The following PLEKHM2 variants were observed in gnomAD, a reference collection of about 807,000 sequenced individuals.
PLEKHM2 encodes pleckstrin homology and RUN domain containing M2.
Under a neutral mutation model 116.3 loss-of-function variants are expected in PLEKHM2, and 77 were observed. That is an observed-to-expected ratio of 0.66 (90% CI 0.55 to 0.80). PLEKHM2 has a LOEUF of 0.80. Ranked by LOEUF, PLEKHM2 falls within the 30% of genes least tolerant of loss-of-function variation. The pLI, the probability that PLEKHM2 is intolerant of heterozygous loss-of-function variation, is 0.00. For missense variants in PLEKHM2, 1,183 were observed against 1,354.9 expected, an observed-to-expected ratio of 0.87 and a Z score of 1.99; for synonymous variants, 562 against 571.0, an observed-to-expected ratio of 0.98 and a Z score of 0.22.
chr1:15,717,297 C>T (rs138860807), intron 3 of PLEKHM2, among the ~76,000 whole-genome samples: 1,972 of 152,218 alleles, frequency 0.013, 12 homozygotes, highest in Middle Eastern at 0.034. Context: ...GCCTGTAATT[C>T]CAACACTTTG....
rs1451034062 is a variant in PLEKHM2 at position 15,729,097 on chromosome 1, G to A, written c.1987-5G>A. 1 of 1,605,442 alleles carries A rather than the reference G, an allele frequency of 6.2e-7. No individual in the cohort carries two copies. Among genetic ancestry groups the A allele is most frequent in the Admixed American group, 1.7e-5 (1 of 58,704 alleles). ...AAGTGCATGTCACGGTGTGGTTTCT[G>A]GCAGGTTGGCCTTGACCAGCAGACG... On this transcript the variant is annotated splice_polypyrimidine_tract_variant and splice_region_variant and intron_variant, in intron 12 of 19. Transcript: ENST00000375799. The surrounding 1 kb of genome is among the most constrained non-coding windows in gnomAD (Gnocchi z 4.7).
At chr1:15,726,522 C>T (rs1382525170) in intron 8 of PLEKHM2, among the ~76,000 whole-genome samples, 1 of 152,168 alleles carries the variant, frequency 6.6e-6, no homozygotes, top group East Asian at 1.9e-4. Flanking sequence ...TAAGCCCGCT[C>T]CAGCCAACCT....
chr1:15,727,999 C>G lies in PLEKHM2; in HGVS notation c.1761-80C>G. 1 of 1,292,714 alleles carries G rather than the reference C, an allele frequency of 7.7e-7. No homozygotes were observed. 80.1% of individuals were successfully genotyped at this position (1,292,714 alleles called of 1,614,324 possible). On this transcript the variant is annotated intron_variant, in intron 9 of 19. Transcript: ENST00000375799. This position sits in a 1 kb window ranked among gnomAD's most constrained non-coding sequence, Gnocchi z 7.5. ...CTCCTAGTGGGAGGCGGAGGCACTACCCCCTGGCTCTGGGGTGGGGTGTGG... is the reference window on the plus strand; with the variant it reads ...CTCCTAGTGGGAGGCGGAGGCACTAGCCCCTGGCTCTGGGGTGGGGTGTGG...
Position 15,727,587 on chromosome 1 carries a change from GGGA to G in PLEKHM2, c.1526_1528del (p.Gly509del), listed in dbSNP as rs761868279. The G allele has an allele frequency of 5.7e-6, 9 of 1,579,002 alleles. No individual in the cohort carries two copies. The highest frequency in any genetic ancestry group is 4.7e-5 in the East Asian group (2 of 42,912). On this transcript the variant is annotated inframe_deletion, in exon 9 of 20. Coordinates refer to ENST00000375799, the MANE Select transcript of PLEKHM2 (RefSeq NM_015164.4). This position sits in a 1 kb window ranked among gnomAD's most constrained non-coding sequence, Gnocchi z 7.5. ...CTGAGGCTGCTGGCCAAGAAGAAGA[GGGA>G]GGAGGAGGAGAGGGACAGACGCCTC...
intron 1 of PLEKHM2, among the ~76,000 whole-genome samples, chr1:15,712,865 A>T (rs1273002995): frequency 6.6e-6 from 1 of 151,894 alleles, no homozygotes; most frequent in Non-Finnish European, 1.5e-5. Context: ...CAGTGGTGCA[A>T]TCTTGGCTCA....
In PLEKHM2 at chr1:15,700,734, C is replaced by T. The variant is rs11588792; in HGVS notation, c.61-15503C>T. ...AATGAAATTCCTCAGCCCTGGCCAG[C>T]ACCCAGCCTTGTCTTAGATCGCAGA... On this transcript the variant is annotated intron_variant, in intron 1 of 19. Transcript: ENST00000375799. 5.9e-3 allele frequency among the ~76,000 whole-genome samples: 904 copies of T among 152,306 alleles called. 6 individuals are homozygous for T. The highest frequency in any genetic ancestry group is 0.02 in the African/African-American group (843 of 41,554).
rs1267834741 is a variant in PLEKHM2, at chr1:15,732,739, G to A, written c.2922+11G>A. On this transcript the variant is annotated intron_variant, in intron 19 of 19. Coordinates refer to ENST00000375799, the MANE Select transcript of PLEKHM2 (RefSeq NM_015164.4). ...AAAACCATCTATCAGGTACCCAGCT[G>A]CCCAGGAAACCCATTAGCCAGGGAC... 3 of 1,566,854 alleles carry A rather than the reference G, an allele frequency of 1.9e-6. No individual in the cohort carries two copies. The highest frequency in any genetic ancestry group is 3.3e-4 in the Middle Eastern group (2 of 5,984).
Position 15,728,287 on chromosome 1 carries a change from G to A in PLEKHM2, c.1851G>A (p.Gly617=), listed in dbSNP as rs769910835. 3 of 1,613,196 alleles carry A rather than the reference G, an allele frequency of 1.9e-6. No individual in the cohort carries two copies. Among genetic ancestry groups the A allele is most frequent in the African/African-American group, 2.7e-5 (2 of 74,920 alleles). ...CCCAGATGATCCGGATGAGCACCGGGCACATGGAGGGCAACCTGCAGCTGC... is the reference window on the plus strand; with the variant it reads ...CCCAGATGATCCGGATGAGCACCGGACACATGGAGGGCAACCTGCAGCTGC... The part of the protein sequence containing the change: ...QLFKMIRMST[G]HMEGNLQLLY... Residue 617 remains glycine, a synonymous_variant, in exon 11 of 20, where the codon GGG becomes GGA. Transcript: ENST00000375799. The surrounding 1 kb of genome is among the most constrained non-coding windows in gnomAD (Gnocchi z 5.9).
intron 1 of PLEKHM2, among the ~76,000 whole-genome samples, chr1:15,705,094 G>A (rs755772498): frequency 8.0e-4 from 122 of 151,830 alleles, no homozygotes; most frequent in South Asian, 2.5e-3. Flanking sequence ...GCTTTCAGTG[G>A]CTGGCGGCAC....
intron 17 of PLEKHM2, 102 bp downstream of exon 17, chr1:15,732,150 A>C: frequency 8.5e-7 from 1 of 1,175,278 alleles, no homozygotes; most frequent in Non-Finnish European, 1.2e-6. Context: ...CCTGAGGGCC[A>C]AGACGGACCT....
At chr1:15,713,223 A>C (rs1286892463) in intron 1 of PLEKHM2, among the ~76,000 whole-genome samples, 1 of 151,964 alleles carries the variant, frequency 6.6e-6, no homozygotes, top group Non-Finnish European at 1.5e-5. Flanking sequence ...CAAAGTGTTG[A>C]GATTACAGGC....
chr1:15,732,679 T>G lies in PLEKHM2; in HGVS notation c.2873T>G (p.Leu958Arg). ...ATCTACCTGAGCTGCACTTCTGAAC[T>G]GGACCGATTGCTGTCTGCACTGAAC... ...WVIYLSCTSELDRLLSALNSG... is the reference protein window; with the variant it reads ...WVIYLSCTSERDRLLSALNSG... Residue 958 changes from leucine (L) to arginine (R), a missense_variant, in exon 19 of 20, where the codon CTG (leucine) becomes CGG (arginine). Around this residue, in one of 3 missense-constraint regions of PLEKHM2, gnomAD observed 594 missense variants for 720.1 expected, o/e 0.82. Transcript: ENST00000375799. The G allele has an allele frequency of 6.2e-7, 1 of 1,610,904 alleles. No individual in the cohort carries two copies. Among genetic ancestry groups the G allele is most frequent in the African/African-American group, 1.3e-5 (1 of 74,992 alleles).
At chr1:15,706,496 C>T (rs898641301) in intron 1 of PLEKHM2, among the ~76,000 whole-genome samples, 1 of 152,138 alleles carries the variant, frequency 6.6e-6, no homozygotes, top group South Asian at 2.1e-4. Flanking sequence ...ACCTCTGCCT[C>T]CCAGGTTCAA....
chr1:15,684,909 C>T (rs1190843069), intron 1 of PLEKHM2, among the ~76,000 whole-genome samples: 1 of 152,150 alleles, frequency 6.6e-6, no homozygotes, highest in Non-Finnish European at 1.5e-5. Context: ...TCCGGTCCCC[C>T]ACTGGGGCAG....
chr1:15,714,110 TG>T (rs1641393253), intron 1 of PLEKHM2, among the ~76,000 whole-genome samples: 1 of 151,678 alleles, frequency 6.6e-6, no homozygotes, highest in African/African-American at 2.4e-5. Flanking sequence ...CCCAGCTAGT[TG>T]TTGTATTTTA....
At chr1:15,691,157 ACTC>A (rs1033683284) in intron 1 of PLEKHM2, among the ~76,000 whole-genome samples, 3 of 152,032 alleles carry the variant, frequency 2.0e-5, no homozygotes, top group Admixed American at 6.6e-5. Flanking sequence ...GTAGCCTTCA[ACTC>A]CTGGGATCAA....
At chr1:15,730,509 C>A in intron 14 of PLEKHM2, 23 bp from the exon 15 acceptor site, 2 of 1,517,884 alleles carry the variant, frequency 1.3e-6, no homozygotes, top group Non-Finnish European at 1.8e-6. Flanking sequence ...TTGCTTTGTC[C>A]CCCGTGCCCG....
At chr1:15,709,408 A>G (rs910918045) in intron 1 of PLEKHM2, among the ~76,000 whole-genome samples, 1 of 152,180 alleles carries the variant, frequency 6.6e-6, no homozygotes, top group Non-Finnish European at 1.5e-5. Context: ...GCCTCATTAC[A>G]GCTAAGAGAG....
In PLEKHM2 at chr1:15,731,263, TG is replaced by T. The variant is rs775963526; in HGVS notation, c.2465+7del. 7 of 1,577,790 alleles carry T rather than the reference TG, an allele frequency of 4.4e-6. No individual in the cohort carries two copies. Among genetic ancestry groups the T allele is most frequent in the Non-Finnish European group, 6.0e-6 (7 of 1,160,302 alleles). ...CTGCTCTCGGTGAACATGGGGTAAGTGTCCCGGGAGAAGCGGGTGTATCCTG... is the reference window on the plus strand; with the variant it reads ...CTGCTCTCGGTGAACATGGGGTAAGTTCCCGGGAGAAGCGGGTGTATCCTG... On this transcript the variant is annotated splice_region_variant and intron_variant, in intron 16 of 19. Transcript: ENST00000375799.
Sources: gnomAD v4.1 joint callset for allele counts (sites outside exome capture counted in the v4.1 genomes callset) on GRCh38, gnomAD v4.1.1 for gene constraint, gnomAD v4.1.1 regional missense constraint, Gnocchi (gnomAD v3.1) non-coding constraint, MANE v1.5 for transcripts, NCBI Gene and HGNC (gene_info 2026-07-23, HGNC 2026-07-21) for gene names.